SRGAP3: variants seen among roughly 807,000 people sequenced by gnomAD.
The protein encoded by SRGAP3 is SLIT-ROBO Rho GTPase-activating protein 3.
Under a neutral mutation model 121.1 loss-of-function variants are expected in SRGAP3, and 39 were observed. The ratio of observed to expected loss-of-function variants is 0.32; its 90% confidence interval spans 0.25 to 0.42. SRGAP3 has a LOEUF of 0.42. SRGAP3 is among the 10% of genes least tolerant of loss of function. The pLI is 1.00. For synonymous variants in SRGAP3, 601 were observed against 570.0 expected (o/e 1.05, Z -0.77); for missense variants, 1,213 against 1,470.6 (o/e 0.82, Z 2.86).
At chr3:9,361,547 C>T (rs572315934) in intron 1 of SRGAP3, among the ~76,000 whole-genome samples, 32 of 152,206 alleles carry the variant, frequency 2.1e-4, no homozygotes, top group Non-Finnish European at 2.9e-4. Flanking sequence ...CCCCAACTGA[C>T]TGAACAGGCC....
chr3:9,058,489 A>G lies in SRGAP3; in HGVS notation c.802-17T>C, dbSNP rs148778331. The G allele has an allele frequency of 6.7e-4, 1,087 of 1,612,852 alleles. No homozygotes were observed. The African/African-American group carries it at 0.013, about 20-fold the overall frequency. On this transcript the variant is annotated splice_polypyrimidine_tract_variant and intron_variant, in intron 6 of 21. Coordinates refer to ENST00000383836, the MANE Select transcript of SRGAP3 (RefSeq NM_014850.4). Reference sequence around the variant, plus strand: ...ATCACAGCACTTGGGGAGAGGCAACAACGGAAGGTTATGGGTGACAGCCAG... The same window carrying G: ...ATCACAGCACTTGGGGAGAGGCAACGACGGAAGGTTATGGGTGACAGCCAG...
rs1393580833 is a variant in SRGAP3, at chr3:9,239,791, G to A, written c.67+9094C>T. Among the ~76,000 whole-genome samples, 4 of 152,200 alleles carry A rather than the reference G, an allele frequency of 2.6e-5. No homozygotes were observed. The highest frequency in any genetic ancestry group is 4.8e-5 in the African/African-American group (2 of 41,446). On this transcript the variant is annotated intron_variant, in intron 1 of 21. Coordinates refer to ENST00000383836, the MANE Select transcript of SRGAP3 (RefSeq NM_014850.4). This position sits in a 1 kb window ranked among gnomAD's most constrained non-coding sequence, Gnocchi z 4.0. ...GATATCACTCAGCTCAACTAGATGT[G>A]CATTTGTTTTACTTCTTTCCCTCTT...
intron 4 of SRGAP3, among the ~76,000 whole-genome samples, chr3:9,074,204 G>A (rs1047447572): frequency 6.6e-6 from 1 of 152,146 alleles, no homozygotes; most frequent in African/African-American, 2.4e-5. Context: ...AGTGGAGATG[G>A]GGAATGGAGA....
intron 2 of SRGAP3, among the ~76,000 whole-genome samples, chr3:9,110,861 A>G (rs1948598033): frequency 6.6e-6 from 1 of 152,260 alleles, no homozygotes; most frequent in African/African-American, 2.4e-5. Context: ...CTGAAAGAAG[A>G]AGGCCCACAG....
In SRGAP3 at chr3:9,038,087, T is replaced by G; in HGVS notation, c.1412A>C (p.Glu471Ala). Residue 471 changes from glutamate (E) to alanine (A), a missense_variant, in exon 11 of 22, where the codon GAA (glutamate) becomes GCA (alanine). Glu to Ala is a moderately radical substitution (Grantham distance 107). Around this residue, in one of 2 missense-constraint regions of SRGAP3, gnomAD observed 793 missense variants for 1,032.9 expected, o/e 0.77. Transcript: ENST00000383836. Reference sequence around the variant, plus strand: ...CCTGGTGGTGCCGCATTCTGCTCTTTCCCCTGCAAAGAAAAGTATACATGA... The same window carrying G: ...CCTGGTGGTGCCGCATTCTGCTCTTGCCCCTGCAAAGAAAAGTATACATGA... ...DLLKQTLGEGERAECGTTRPP... is the reference protein window; with the variant it reads ...DLLKQTLGEGARAECGTTRPP... 1 of 1,614,220 alleles carries G rather than the reference T, an allele frequency of 6.2e-7. No individual in the cohort carries two copies. Among genetic ancestry groups the G allele is most frequent in the Non-Finnish European group, 8.5e-7 (1 of 1,180,030 alleles).
At position 8,990,610 on chromosome 3, in the gene SRGAP3, C is replaced by T; in HGVS notation, c.2788G>A (p.Ala930Thr). The T allele has an allele frequency of 6.2e-7, 1 of 1,612,114 alleles. No homozygotes were observed. Among genetic ancestry groups the T allele is most frequent in the Non-Finnish European group, 8.5e-7 (1 of 1,179,320 alleles). Reference sequence around the variant, plus strand: ...CTCATCGAGTGCCCTTCGGAGAGCGCCTTCTTGTCAGGGTAGTTGATGCTG... The same window carrying T: ...CTCATCGAGTGCCCTTCGGAGAGCGTCTTCTTGTCAGGGTAGTTGATGCTG... ...AGSINYPDKK[A>T]LSEGHSMRST... Residue 930 changes from alanine to threonine, a missense_variant, in exon 21 of 22, where the codon GCG becomes ACG. Around this residue, in one of 2 missense-constraint regions of SRGAP3, gnomAD observed 420 missense variants for 437.7 expected, o/e 0.96. Coordinates refer to ENST00000383836, the MANE Select transcript of SRGAP3 (RefSeq NM_014850.4).
At position 9,204,393 on chromosome 3, in the gene SRGAP3, C is replaced by T. The variant is rs145407214; in HGVS notation, c.67+44492G>A. 4.7e-3 allele frequency among the ~76,000 whole-genome samples: 710 copies of T among 152,284 alleles called. 7 individuals are homozygous for T. The highest frequency in any genetic ancestry group is 0.015 in the African/African-American group (644 of 41,554). On this transcript the variant is annotated intron_variant, in intron 1 of 21. Coordinates refer to ENST00000383836, the MANE Select transcript of SRGAP3 (RefSeq NM_014850.4). ...GCCACTCCCCAGGCCTCCCTGACTG[C>T]CACCCCGCTCACTCCTGGGCCTGGG... is the stretch of plus-strand genomic sequence containing the variant.
intron 3 of SRGAP3, among the ~76,000 whole-genome samples, chr3:9,099,260 C>G (rs1948111607): frequency 6.6e-6 from 1 of 152,200 alleles, no homozygotes; most frequent in South Asian, 2.1e-4. Context: ...AAGCCCCCCA[C>G]ATGGCCTCGC....
At chr3:9,276,598 T>C (rs1256953762) in intron 3 of SRGAP3, among the ~76,000 whole-genome samples, 1 of 152,148 alleles carries the variant, frequency 6.6e-6, no homozygotes, top group Admixed American at 6.6e-5. Context: ...GCTAATTTTT[T>C]GTATTTTTAG....
At chr3:9,219,638 C>G (rs1952739686) in intron 1 of SRGAP3, 1 of 152,126 alleles carries the variant, frequency 6.6e-6, no homozygotes, top group Non-Finnish European at 1.5e-5. Context: ...ATCACGGGGT[C>G]AGGAGATCAA....
rs2125031493 is a variant in SRGAP3, at chr3:9,013,551, T to A, written c.1920-16A>T. On this transcript the variant is annotated splice_polypyrimidine_tract_variant and intron_variant, in intron 16 of 21. Transcript: ENST00000383836. ...CTGGGAGAGGCTAGGAGAGAGGAGTTACCCACAAGTCATCTGGGAAAGGCA... is the reference window on the plus strand; with the variant it reads ...CTGGGAGAGGCTAGGAGAGAGGAGTAACCCACAAGTCATCTGGGAAAGGCA... 1.2e-6 allele frequency: 2 copies of A among 1,613,440 alleles called. No individual in the cohort carries two copies. Among genetic ancestry groups the A allele is most frequent in the East Asian group, 4.5e-5 (2 of 44,852 alleles).
chr3:9,197,548 G>C (rs943354052), intron 1 of SRGAP3, among the ~76,000 whole-genome samples: 1 of 152,178 alleles, frequency 6.6e-6, no homozygotes, highest in African/African-American at 2.4e-5. Flanking sequence ...TTCTCATTTT[G>C]TAGTGTCTCA....
At chr3:9,362,232 C>G (rs1487558024) in intron 1 of SRGAP3, among the ~76,000 whole-genome samples, 3 of 46,536 alleles carry the variant, frequency 6.4e-5, no homozygotes, top group African/African-American at 4.0e-4. Flanking sequence ...GTGGCACAAT[C>G]TTGGCTCTCT....
chr3:9,114,401 A>G (rs1306592341), intron 2 of SRGAP3, among the ~76,000 whole-genome samples: 2 of 152,248 alleles, frequency 1.3e-5, no homozygotes, highest in African/African-American at 2.4e-5. Context: ...ACAGCCTATG[A>G]TAAGTGTTCT....
At chr3:9,273,027 C>T (rs547427775) in intron 3 of SRGAP3, among the ~76,000 whole-genome samples, 4 of 152,110 alleles carry the variant, frequency 2.6e-5, no homozygotes, top group East Asian at 1.9e-4. Context: ...GCACCAGGGA[C>T]GGGTTTCACG....
chr3:9,083,193 C>G (rs1257167726), intron 3 of SRGAP3, among the ~76,000 whole-genome samples: 2 of 152,198 alleles, frequency 1.3e-5, no homozygotes, highest in African/African-American at 4.8e-5. Context: ...CTCTGACACT[C>G]TCCAGTGGCC....
At chr3:9,106,463 C>G (rs1948421418) in intron 2 of SRGAP3, among the ~76,000 whole-genome samples, 1 of 152,212 alleles carries the variant, frequency 6.6e-6, no homozygotes, top group Non-Finnish European at 1.5e-5. Context: ...TTAGAAAACA[C>G]AGCCTCCCAC....
chr3:9,142,366 A>G (rs992717224), intron 1 of SRGAP3, among the ~76,000 whole-genome samples: 1 of 152,222 alleles, frequency 6.6e-6, no homozygotes, highest in Non-Finnish European at 1.5e-5. Context: ...CCAAACATGA[A>G]AAAGCTTATA....
chr3:9,007,737 T>C (rs186319563), intron 18 of SRGAP3: 55 of 152,222 alleles, frequency 3.6e-4, no homozygotes, highest in Admixed American at 2.7e-3. Context: ...TCCCATTTTA[T>C]AGATAAGGAA....
Sources: gnomAD v4.1 joint callset for allele counts (sites outside exome capture counted in the v4.1 genomes callset) on GRCh38, gnomAD v4.1.1 for gene constraint, gnomAD v4.1.1 regional missense constraint, Gnocchi (gnomAD v3.1) non-coding constraint, MANE v1.5 for transcripts, NCBI Gene and HGNC (gene_info 2026-07-23, HGNC 2026-07-21) for gene names.